The following CPQ variants were observed in gnomAD, a reference collection of about 807,000 sequenced individuals.
The protein encoded by CPQ is Ser-Met dipeptidase.
Under a neutral mutation model 45.7 loss-of-function variants are expected in CPQ, and 37 were observed. That is an observed-to-expected ratio of 0.81 (90% CI 0.62 to 1.07). CPQ has a LOEUF of 1.07. CPQ is among the 50% of genes least tolerant of loss of function. CPQ has a pLI of 0.00. For synonymous variants in CPQ, 186 were observed against 205.8 expected (o/e 0.90, Z 0.82); for missense variants, 537 against 572.9 (o/e 0.94, Z 0.64).
At chr8:96,868,897 T>A (rs1812028325) in intron 3 of CPQ, among the ~76,000 whole-genome samples, 1 of 151,908 alleles carries the variant, frequency 6.6e-6, no homozygotes, top group Admixed American at 6.6e-5. Context: ...TTATTACTGG[T>A]TTTTTAGTTT....
At chr8:97,065,893 T>C (rs1810626836) in intron 6 of CPQ, 116 bp from the exon 7 acceptor site, 1 of 933,614 alleles carries the variant, frequency 1.1e-6, no homozygotes, top group Admixed American at 2.5e-5. Context: ...CACAGCAACA[T>C]GTGTTTTGGC....
At chr8:97,087,827 A>G (rs972736692) in intron 7 of CPQ, among the ~76,000 whole-genome samples, 7 of 152,216 alleles carry the variant, frequency 4.6e-5, no homozygotes, top group African/African-American at 1.4e-4. Flanking sequence ...CATAGTCTGT[A>G]CCTAGTTTTA....
chr8:96,790,772 C>G (rs374063688), intron 2 of CPQ, among the ~76,000 whole-genome samples: 1 of 152,202 alleles, frequency 6.6e-6, no homozygotes, highest in African/African-American at 2.4e-5. Context: ...GAATGTTGTC[C>G]TTTGCTGTAT....
intron 1 of CPQ, among the ~76,000 whole-genome samples, chr8:96,738,973 C>A (rs1810037383): frequency 6.6e-6 from 1 of 151,494 alleles, no homozygotes; most frequent in Non-Finnish European, 1.5e-5. Flanking sequence ...TGGGTATATA[C>A]CCAGTAATGG....
intron 4 of CPQ, among the ~76,000 whole-genome samples, chr8:96,891,852 T>G (rs1007082618): frequency 1.3e-5 from 2 of 152,106 alleles, no homozygotes; most frequent in African/African-American, 4.8e-5. Flanking sequence ...AGGGGCTCAT[T>G]TGAGGGCAAC....
chr8:96,777,465 G>A (rs1026494746), intron 1 of CPQ, among the ~76,000 whole-genome samples: 4 of 151,870 alleles, frequency 2.6e-5, no homozygotes, highest in African/African-American at 9.7e-5. Context: ...TTCACTACCC[G>A]CTGTCTCCTT....
At chr8:96,651,303 T>C (rs1382333780) in intron 1 of CPQ, among the ~76,000 whole-genome samples, 2 of 152,164 alleles carry the variant, frequency 1.3e-5, no homozygotes, top group Non-Finnish European at 2.9e-5. Context: ...AATTCACCAA[T>C]ATAGTGAGCC....
intron 2 of CPQ, among the ~76,000 whole-genome samples, chr8:96,786,211 T>C (rs999180524): frequency 1.3e-5 from 2 of 152,276 alleles, no homozygotes; most frequent in South Asian, 4.1e-4. Context: ...AGGAAACCAC[T>C]AATCTGCTTT....
At chr8:96,775,847 C>A (rs1403275111) in intron 1 of CPQ, among the ~76,000 whole-genome samples, 1 of 152,062 alleles carries the variant, frequency 6.6e-6, no homozygotes, top group African/African-American at 2.4e-5. Flanking sequence ...AAGTGCTCCC[C>A]CCACATATTC....
chr8:96,897,066 A>G (rs945298579), intron 4 of CPQ, among the ~76,000 whole-genome samples: 1 of 152,194 alleles, frequency 6.6e-6, no homozygotes, highest in Non-Finnish European at 1.5e-5. Flanking sequence ...AAATTGAGGC[A>G]GTATTATCAT....
intron 4 of CPQ, among the ~76,000 whole-genome samples, chr8:96,917,105 T>G (rs6996481): frequency 0.5 from 76,246 of 151,820 alleles, 21,477 homozygotes; most frequent in Non-Finnish European, 0.64. Context: ...TAAAGAGTTG[T>G]AAGGTGAGAG....
chr8:96,825,622 A>C (rs1038005646), intron 2 of CPQ, among the ~76,000 whole-genome samples: 1 of 152,040 alleles, frequency 6.6e-6, no homozygotes, highest in South Asian at 2.1e-4. Flanking sequence ...GAAAATTTTC[A>C]TGTAATTCAT....
chr8:96,859,586 A>C (rs1422293925), intron 3 of CPQ, among the ~76,000 whole-genome samples: 1 of 152,118 alleles, frequency 6.6e-6, no homozygotes, highest in Non-Finnish European at 1.5e-5. Context: ...TCCTTTCTAT[A>C]ATTTTACTGT....
At chr8:96,740,824 T>C (rs1457079395) in intron 1 of CPQ, among the ~76,000 whole-genome samples, 1 of 152,222 alleles carries the variant, frequency 6.6e-6, no homozygotes, top group African/African-American at 2.4e-5. Context: ...CACTTGATCA[T>C]GGTGGATAAG....
intron 5 of CPQ, among the ~76,000 whole-genome samples, chr8:97,012,220 C>T (rs1020033870): frequency 9.2e-5 from 14 of 152,144 alleles, no homozygotes; most frequent in African/African-American, 2.9e-4. Context: ...TTTTTTATTT[C>T]TGCACAGTTA....
intron 3 of CPQ, among the ~76,000 whole-genome samples, chr8:96,853,803 A>G (rs1033899876): frequency 3.9e-5 from 6 of 152,146 alleles, no homozygotes; most frequent in African/African-American, 1.4e-4. Flanking sequence ...TATCATTTTA[A>G]TTTTCTACTA....
At chr8:96,753,327 G>A (rs552997228) in intron 1 of CPQ, among the ~76,000 whole-genome samples, 125 of 152,128 alleles carry the variant, frequency 8.2e-4, no homozygotes, top group Admixed American at 1.3e-3. Flanking sequence ...GTTTAATATT[G>A]AGTTTGGGTA....
chr8:96,888,978 C>A (rs146489662), intron 4 of CPQ, among the ~76,000 whole-genome samples: 1 of 152,268 alleles, frequency 6.6e-6, no homozygotes, highest in African/African-American at 2.4e-5. Flanking sequence ...AATTTGCATC[C>A]TGTCTCTTAT....
intron 1 of CPQ, among the ~76,000 whole-genome samples, chr8:96,770,307 T>G (rs951749271): frequency 1.3e-5 from 2 of 152,174 alleles, no homozygotes; most frequent in Non-Finnish European, 2.9e-5. Context: ...CCATTTGCCC[T>G]GCTCCCATCA....
Sources: allele counts gnomAD v4.1 joint callset (sites outside exome capture counted in the v4.1 genomes callset), GRCh38; gene constraint gnomAD v4.1.1; transcripts MANE v1.5; gene names NCBI Gene and HGNC (gene_info 2026-07-23, HGNC 2026-07-21).